The following NKAIN3 variants were observed in gnomAD, a reference collection of about 807,000 sequenced individuals.
NKAIN3 encodes sodium/potassium-transporting ATPase subunit beta-1-interacting protein 3.
A neutral mutation model predicts 30.2 loss-of-function variants in NKAIN3; 25 were observed. The ratio of observed to expected loss-of-function variants is 0.83; its 90% CI spans 0.60 to 1.16. The LOEUF is 1.16. NKAIN3 is among the 50% of genes most tolerant of loss of function. NKAIN3 has a pLI of 0.00. For missense variants in NKAIN3, 225 were observed against 254.1 expected (o/e 0.89, Z 0.78); for synonymous variants, 91 against 89.6 (o/e 1.02, Z -0.09).
chr8:62,746,559 C>T (rs901166479), intron 3 of NKAIN3, among the ~76,000 whole-genome samples: 44 of 152,242 alleles, frequency 2.9e-4, no homozygotes, highest in Non-Finnish European at 2.2e-4. Context: ...TAAAAGCATT[C>T]AACAATATTT....
At chr8:62,911,615 T>G (rs911376296) in intron 4 of NKAIN3, among the ~76,000 whole-genome samples, 4 of 152,064 alleles carry the variant, frequency 2.6e-5, no homozygotes, top group African/African-American at 7.2e-5. Context: ...GAAGAGACTC[T>G]TGATCTGCCT....
intron 1 of NKAIN3, among the ~76,000 whole-genome samples, chr8:62,523,244 A>G (rs574523235): frequency 2.0e-5 from 3 of 152,110 alleles, no homozygotes; most frequent in Non-Finnish European, 4.4e-5. Context: ...TATACTGTAT[A>G]CTCTAGATGT....
intron 4 of NKAIN3, among the ~76,000 whole-genome samples, chr8:62,778,122 T>C (rs1418531327): frequency 6.6e-6 from 1 of 152,070 alleles, no homozygotes; most frequent in Non-Finnish European, 1.5e-5. Context: ...CTGTGGCCAT[T>C]ACCACGGAGA....
intron 1 of NKAIN3, among the ~76,000 whole-genome samples, chr8:62,281,413 G>A (rs907604534): frequency 6.6e-6 from 1 of 152,042 alleles, no homozygotes; most frequent in East Asian, 1.9e-4. Context: ...CTTGACTTCT[G>A]CTAACTTTTG....
chr8:62,588,259 A>G (rs559546646), intron 2 of NKAIN3, among the ~76,000 whole-genome samples: 2 of 151,864 alleles, frequency 1.3e-5, no homozygotes, highest in Admixed American at 6.6e-5. Context: ...CTCTTACTAG[A>G]AGACTTTATG....
intron 1 of NKAIN3, among the ~76,000 whole-genome samples, chr8:62,320,917 C>A (rs932733528): frequency 1.3e-5 from 2 of 152,182 alleles, no homozygotes; most frequent in Non-Finnish European, 2.9e-5. Flanking sequence ...GGATAATATC[C>A]TGCAGAGTGT....
At chr8:62,432,305 ATCT>A (rs1805035125) in intron 1 of NKAIN3, among the ~76,000 whole-genome samples, 2 of 152,040 alleles carry the variant, frequency 1.3e-5, no homozygotes, top group Admixed American at 1.3e-4. Context: ...AGTGGAGAAG[ATCT>A]TCTCCTAAGA....
chr8:62,634,175 T>C (rs1316671982), intron 3 of NKAIN3, among the ~76,000 whole-genome samples: 1 of 152,036 alleles, frequency 6.6e-6, no homozygotes, highest in African/African-American at 2.4e-5. Context: ...TCTGAGGTTT[T>C]TTTTTTCCTC....
rs16929459 is a variant in NKAIN3, at chr8:62,704,685, G to A, written c.274-42247G>A. ...AGAGAGCCTTCTAGATTTCCACCTG[G>A]AACAAAAGCCAGGATTCCTCCTTGC... On this transcript the variant is annotated intron_variant, in intron 3 of 6. Coordinates refer to ENST00000623646, the MANE Select transcript of NKAIN3 (RefSeq NM_001304533.3). Among the ~76,000 whole-genome samples, 75 of 152,192 alleles carry A rather than the reference G, an allele frequency of 4.9e-4. No homozygotes were observed. The East Asian group carries it at 0.012, about 25-fold the overall frequency.
At chr8:62,856,196 G>C in intron 4 of NKAIN3, 1 of 779,768 alleles carries the variant, frequency 1.3e-6, no homozygotes, top group Admixed American at 1.7e-5. Flanking sequence ...TCCTGTATTT[G>C]TATTAAATGT....
chr8:62,669,257 T>C (rs1000560737), intron 3 of NKAIN3, among the ~76,000 whole-genome samples: 1 of 152,196 alleles, frequency 6.6e-6, no homozygotes, highest in Non-Finnish European at 1.5e-5. Context: ...ACCTAAACTT[T>C]ATGAGATCTG....
chr8:62,811,001 G>A (rs1448851741), intron 4 of NKAIN3, among the ~76,000 whole-genome samples: 1 of 151,966 alleles, frequency 6.6e-6, no homozygotes, highest in Non-Finnish European at 1.5e-5. Context: ...AATTTCATCA[G>A]CACAGGGATT....
chr8:62,682,786 ACCTGGGAACCACACCCCCATC>A (rs1226682186), intron 3 of NKAIN3, among the ~76,000 whole-genome samples: 4 of 152,122 alleles, frequency 2.6e-5, no homozygotes, highest in Admixed American at 6.6e-5. Flanking sequence ...AACTCCATTG[ACCTGGGAACCACACCCCCATC>A]CCTCAAAGCA....
chr8:62,659,691 C>A (rs1328839636), intron 3 of NKAIN3, among the ~76,000 whole-genome samples: 1 of 152,104 alleles, frequency 6.6e-6, no homozygotes, highest in African/African-American at 2.4e-5. Flanking sequence ...TGGTTGCATC[C>A]TCTCTGGCTT....
intron 1 of NKAIN3, among the ~76,000 whole-genome samples, chr8:62,517,731 C>A (rs958596137): frequency 6.6e-6 from 1 of 152,122 alleles, no homozygotes; most frequent in Admixed American, 6.5e-5. Flanking sequence ...TTCCTTCCAG[C>A]ATTAGCATAT....
At position 62,982,851 on chromosome 8, in the gene NKAIN3, C is replaced by G. The variant is rs1824117115; in HGVS notation, c.*17444C>G. The G allele has an allele frequency of 6.6e-6, 1 of 152,168 alleles. No homozygotes were observed. Among genetic ancestry groups the G allele is most frequent in the Admixed American group, 6.5e-5 (1 of 15,284 alleles). The allele number at this position is 152,168 out of a possible 1,614,324, so 9.4% of individuals were successfully genotyped here. A position where few individuals can be genotyped will look rare whatever the true frequency, so the allele number is the denominator to read the frequency against. On this transcript the variant is annotated 3_prime_UTR_variant, in exon 7 of 7. Transcript: ENST00000623646. ...TCCTCCACAAGATCTTGCCCACACT[C>G]AAAACAAACTTGCTTCCCATCACAT...
At chr8:62,867,078 T>C (rs372240017) in intron 4 of NKAIN3, among the ~76,000 whole-genome samples, 1 of 138,506 alleles carries the variant, frequency 7.2e-6, no homozygotes, top group Non-Finnish European at 1.5e-5. Flanking sequence ...AATTAAACTG[T>C]TTTGTTTTGC....
intron 1 of NKAIN3, among the ~76,000 whole-genome samples, chr8:62,288,189 G>A (rs529775713): frequency 3.3e-5 from 5 of 152,164 alleles, no homozygotes; most frequent in African/African-American, 4.8e-5. Context: ...TGTGGGCTTC[G>A]TGAGAACAGT....
chr8:62,468,728 C>G (rs1406802535), intron 1 of NKAIN3, among the ~76,000 whole-genome samples: 1 of 151,984 alleles, frequency 6.6e-6, no homozygotes, highest in Admixed American at 6.6e-5. Flanking sequence ...GTATGGCCAC[C>G]ACTTTTCTTT....
Sources: allele counts gnomAD v4.1 joint callset (sites outside exome capture counted in the v4.1 genomes callset), GRCh38; gene constraint gnomAD v4.1.1; transcripts MANE v1.5; gene names NCBI Gene and HGNC (gene_info 2026-07-23, HGNC 2026-07-21).